The following ZNF710 variants were observed in gnomAD, a reference collection of about 807,000 sequenced individuals.
The protein encoded by ZNF710 is zinc finger protein 710.
In ZNF710, 13 loss-of-function variants were observed where a neutral mutation model predicts 50.6. That is an observed-to-expected ratio of 0.26 (90% CI 0.17 to 0.41). ZNF710 has a LOEUF of 0.41. Ranked by LOEUF, ZNF710 falls within the 10% of genes least tolerant of loss-of-function variation. The probability of loss-of-function intolerance (pLI) is 1.00; values close to 1 mark genes in which losing one functional copy is unlikely to be tolerated. For synonymous variants in ZNF710, 383 were observed against 397.0 expected, an observed-to-expected ratio of 0.96 and a Z score of 0.42; for missense variants, 721 against 936.6, an observed-to-expected ratio of 0.77 and a Z score of 3.01.
intron 1 of ZNF710, among the ~76,000 whole-genome samples, chr15:90,018,005 G>A (rs775839903): frequency 4.6e-5 from 7 of 151,830 alleles, no homozygotes; most frequent in Non-Finnish European, 1.0e-4. Flanking sequence ...TGTGCTGTGA[G>A]CGCTCTGGAC....
At chr15:90,046,556 C>T (rs1899467793) in intron 1 of ZNF710, among the ~76,000 whole-genome samples, 2 of 152,108 alleles carry the variant, frequency 1.3e-5, no homozygotes, top group Admixed American at 1.3e-4. Flanking sequence ...GTGACCAAGC[C>T]AGACACCCAG....
chr15:90,073,156 G>C lies in ZNF710; in HGVS notation c.1544G>C (p.Ser515Thr), dbSNP rs1224965632. Reference protein sequence around the residue: ...NMKRHMLIHTSVRPYQCHICF... With the variant: ...NMKRHMLIHTTVRPYQCHICF... ...AAGCGGCACATGCTGATCCACACCA[G>C]CGTCCGGCCCTACCAGTGCCACATC... The change falls in exon 3 of 5, where the codon AGC becomes ACC. Residue 515 changes from serine to threonine, a missense_variant. By Grantham distance (58) the Ser-to-Thr change is moderately conservative. Transcript: ENST00000268154. The C allele has an allele frequency of 6.2e-7, 1 of 1,614,178 alleles. No homozygotes were observed. The highest frequency in any genetic ancestry group is 8.5e-7 in the Non-Finnish European group (1 of 1,180,042).
chr15:90,071,677 C>CTTTTTT (rs201729973), intron 2 of ZNF710, among the ~76,000 whole-genome samples: 2 of 127,260 alleles, frequency 1.6e-5, no homozygotes, highest in African/African-American at 2.9e-5. Context: ...TTTATTTTTA[C>CTTTTTT]TCTTTTTTTT....
upstream of ZNF710, among the ~76,000 whole-genome samples, chr15:90,000,318 T>C (rs1429632497): frequency 2.0e-5 from 3 of 151,958 alleles, no homozygotes; most frequent in African/African-American, 7.2e-5. Flanking sequence ...CGGCTCGGAG[T>C]GGCGGGTGTT....
chr15:90,037,292 C>G (rs962650283), intron 1 of ZNF710, among the ~76,000 whole-genome samples: 7 of 152,234 alleles, frequency 4.6e-5, no homozygotes, highest in African/African-American at 1.7e-4. Context: ...AGTCCCTGGT[C>G]CAGCCTGGGT....
intron 1 of ZNF710, among the ~76,000 whole-genome samples, chr15:90,018,499 T>C (rs1399840172): frequency 6.6e-6 from 1 of 152,212 alleles, no homozygotes; most frequent in Non-Finnish European, 1.5e-5. Flanking sequence ...TAAAAATTCA[T>C]TTCTTGTCGC....
chr15:90,051,116 G>A lies in ZNF710; in HGVS notation c.-28-15994G>A, dbSNP rs1449344885. Among the ~76,000 whole-genome samples, 4 of 151,996 alleles carry A rather than the reference G, an allele frequency of 2.6e-5. No homozygotes were observed. In the East Asian group the frequency reaches 7.7e-4, roughly 29 times the overall value. ...TAGCCGGGTGTGGTGACACATGCCT[G>A]TAGTCCCAGCTACTTGGGAGGCTGA... On this transcript the variant is annotated intron_variant, in intron 1 of 4. Coordinates refer to ENST00000268154, the MANE Select transcript of ZNF710 (RefSeq NM_198526.4).
chr15:90,053,810 C>G lies in ZNF710; in HGVS notation c.-28-13300C>G, dbSNP rs1899722699. Among the ~76,000 whole-genome samples, 3 of 152,148 alleles carry G rather than the reference C, an allele frequency of 2.0e-5. No individual in the cohort carries two copies. In the South Asian group the frequency reaches 6.2e-4, roughly 31 times the overall value. On this transcript the variant is annotated intron_variant, in intron 1 of 4. Coordinates refer to ENST00000268154, the MANE Select transcript of ZNF710 (RefSeq NM_198526.4). Reference sequence around the variant, plus strand: ...GATGCCTCCTCCCAGGGAGCCCCCCCAACACACACTTCCCACCCGTGTGTT... The same window carrying G: ...GATGCCTCCTCCCAGGGAGCCCCCCGAACACACACTTCCCACCCGTGTGTT...
At position 90,074,148 on chromosome 15, in the gene ZNF710, C is replaced by T; in HGVS notation, c.1683C>T (p.Asn561=). ...GGAAGTCCTTCAACCGCATGTACAA[C>T]CTGCTGGGCCACATGCACCTGCACG... The part of the protein sequence containing the change: ...VCGKSFNRMY[N]LLGHMHLHAG... Residue 561 remains asparagine, a synonymous_variant, in exon 4 of 5, where the codon AAC becomes AAT. Transcript: ENST00000268154. The T allele has an allele frequency of 6.2e-7, 1 of 1,613,702 alleles. No homozygotes were observed. Among genetic ancestry groups the T allele is most frequent in the Non-Finnish European group, 8.5e-7 (1 of 1,179,842 alleles).
At chr15:90,039,314 A>G (rs920995300) in intron 1 of ZNF710, among the ~76,000 whole-genome samples, 2 of 151,348 alleles carry the variant, frequency 1.3e-5, no homozygotes, top group Non-Finnish European at 2.9e-5. Flanking sequence ...TGTACAGATG[A>G]TTTCACCTGA....
At chr15:90,026,746 C>T (rs150267564) in intron 1 of ZNF710, among the ~76,000 whole-genome samples, 249 of 152,210 alleles carry the variant, frequency 1.6e-3, no homozygotes, top group African/African-American at 5.7e-3. Context: ...ATAGTAACTA[C>T]GTCATGCTAA....
chr15:90,051,360 G>A (rs1213597273), intron 1 of ZNF710, among the ~76,000 whole-genome samples: 1 of 150,876 alleles, frequency 6.6e-6, no homozygotes, highest in Non-Finnish European at 1.5e-5. Flanking sequence ...CAGACTAGGC[G>A]CAGTGGTTCA....
At chr15:90,072,979 T>C (rs1900443983) in intron 2 of ZNF710, 92 bp from the exon 3 acceptor site, 2 of 1,344,984 alleles carry the variant, frequency 1.5e-6, no homozygotes, top group African/African-American at 1.5e-5. Flanking sequence ...TTTGTGATGC[T>C]ATGGCCCTGC....
At chr15:90,025,655 C>T (rs1049352402) in intron 1 of ZNF710, 25 of 152,200 alleles carry the variant, frequency 1.6e-4, no homozygotes, top group African/African-American at 5.8e-4. Flanking sequence ...AGCACATGGG[C>T]TTTACAAGTG....
chr15:90,067,101 C>T lies in ZNF710; in HGVS notation c.-28-9C>T. The T allele has an allele frequency of 6.4e-7, 1 of 1,551,010 alleles. No individual in the cohort carries two copies. The stretch of plus-strand genomic sequence containing the variant: ...CCAGCAATATTAACCTTCCCTTCTC[C>T]ACCCACAGCGATGCCCTCCTAGCTA... On this transcript the variant is annotated splice_polypyrimidine_tract_variant and intron_variant, in intron 1 of 4. Transcript: ENST00000268154. The surrounding 1 kb of genome is among the most constrained non-coding windows in gnomAD (Gnocchi z 8.1).
intron 1 of ZNF710, among the ~76,000 whole-genome samples, chr15:90,032,496 G>A (rs2151486182): frequency 6.6e-6 from 1 of 152,108 alleles, no homozygotes; most frequent in African/African-American, 2.4e-5. Flanking sequence ...GTGTGTTTGG[G>A]GCTGGGCACG....
At chr15:90,074,458 G>A (rs764594488) in intron 4 of ZNF710, 168 bp downstream of exon 4, 47 of 1,533,188 alleles carry the variant, frequency 3.1e-5, no homozygotes, top group Admixed American at 1.2e-4. Flanking sequence ...TGACAATAAC[G>A]ATGGGATATT....
chr15:90,046,607 A>T (rs911325774), intron 1 of ZNF710, among the ~76,000 whole-genome samples: 3 of 152,026 alleles, frequency 2.0e-5, no homozygotes, highest in Non-Finnish European at 4.4e-5. Flanking sequence ...TAGTGACCAG[A>T]CCCAGGTAGA....
At position 90,080,015 on chromosome 15, in the gene ZNF710, G is replaced by A. The variant is rs943565447; in HGVS notation, c.*186G>A. ...AAATGGAGACTGTACTACTGGCCCC[G>A]GCTGTGAGCCAGCACAGGCCCAGGC... On this transcript the variant is annotated 3_prime_UTR_variant, in exon 5 of 5. Coordinates refer to ENST00000268154, the MANE Select transcript of ZNF710 (RefSeq NM_198526.4). The A allele has an allele frequency of 1.1e-5, 6 of 540,926 alleles. No homozygotes were observed. The East Asian group carries it at 1.5e-4, about 13-fold the overall frequency. 33.5% of individuals were successfully genotyped at this position (540,926 alleles called of 1,614,324 possible).
Sources: allele counts gnomAD v4.1 joint callset (sites outside exome capture counted in the v4.1 genomes callset), GRCh38; gene constraint gnomAD v4.1.1; non-coding constraint Gnocchi (gnomAD v3.1); transcripts MANE v1.5; gene names NCBI Gene and HGNC (gene_info 2026-07-23, HGNC 2026-07-21).